Variants in ANO3 observed in about 807,000 individuals in gnomAD.
ANO3 encodes the protein anoctamin 3.
ANO3 carries 99 observed loss-of-function variants against 144.8 expected under a neutral mutation model. The ratio of observed to expected loss-of-function variants is 0.68; its 90% CI spans 0.58 to 0.81. ANO3 has a LOEUF of 0.81. ANO3 is among the 30% of genes least tolerant of loss of function. ANO3 has a pLI of 0.00. For missense variants in ANO3, 905 were observed against 1,202.2 expected (o/e 0.75, Z 3.66); for synonymous variants, 414 against 392.6 (o/e 1.05, Z -0.64).
rs61306582 is a variant in ANO3, at chr11:26,351,877, T to C, written c.46+19556T>C. Among the ~76,000 whole-genome samples the C allele has an allele frequency of 4.7e-3, 716 of 152,204 alleles. 1 individual carries two copies. Among genetic ancestry groups the C allele is most frequent in the African/African-American group, 0.016 (684 of 41,516 alleles). ...GGATCCTAGTTTGACCGCACTAATATCCCTTGATTGAAAATGCAAAGACAG... is the reference window on the plus strand; with the variant it reads ...GGATCCTAGTTTGACCGCACTAATACCCCTTGATTGAAAATGCAAAGACAG... On this transcript the variant is annotated intron_variant, in intron 1 of 26. Transcript: ENST00000256737.
chr11:26,519,540 C>T (rs2134157259), intron 6 of ANO3, among the ~76,000 whole-genome samples: 1 of 152,244 alleles, frequency 6.6e-6, no homozygotes, highest in African/African-American at 2.4e-5. Flanking sequence ...TGTCACAGTT[C>T]TGGACGCTGG....
intron 17 of ANO3, among the ~76,000 whole-genome samples, chr11:26,611,526 CAT>C (rs1271326607): frequency 3.9e-5 from 6 of 152,150 alleles, no homozygotes; most frequent in African/African-American, 1.2e-4. Flanking sequence ...TGTGGCCTAA[CAT>C]GTGATCTATC....
At chr11:26,553,514 G>A (rs752615528) in intron 13 of ANO3, among the ~76,000 whole-genome samples, 169 bp downstream of exon 13, 2 of 152,194 alleles carry the variant, frequency 1.3e-5, no homozygotes, top group African/African-American at 4.8e-5. Context: ...ATTAGAAAGC[G>A]AGTATACTTT....
chr11:26,373,571 A>G (rs1387376270), intron 1 of ANO3, among the ~76,000 whole-genome samples: 4 of 152,212 alleles, frequency 2.6e-5, no homozygotes, highest in Admixed American at 2.6e-4. Flanking sequence ...ATCAGGTAAT[A>G]ACTTAGATTC....
At chr11:26,419,963 C>T (rs770171846) in intron 1 of ANO3, among the ~76,000 whole-genome samples, 11 of 152,074 alleles carry the variant, frequency 7.2e-5, no homozygotes, top group South Asian at 4.1e-4. Context: ...TGAGGACACT[C>T]GTTGCACCTC....
rs1313631543 is a variant in ANO3, at chr11:26,612,472, CTGT to C, written c.1837-11982_1837-11980del. The stretch of plus-strand genomic sequence containing the variant: ...GGTGTTCCTAAGCCACGAATTCTGG[CTGT>C]TGTTGTTTTTTATTATTTGAATTTA... On this transcript the variant is annotated intron_variant, in intron 17 of 26. Coordinates refer to ENST00000256737, the MANE Select transcript of ANO3 (RefSeq NM_031418.4). 2.0e-5 allele frequency among the ~76,000 whole-genome samples: 3 copies of C among 149,510 alleles called. No homozygotes were observed. In the South Asian group the frequency reaches 6.4e-4, roughly 32 times the overall value.
At chr11:26,511,938 G>A (rs1166492575) in intron 5 of ANO3, among the ~76,000 whole-genome samples, 1 of 152,080 alleles carries the variant, frequency 6.6e-6, no homozygotes, top group African/African-American at 2.4e-5. Context: ...GGAAAGAATG[G>A]CTGCAGTTAA....
At chr11:26,511,100 G>A (rs1017018309) in intron 5 of ANO3, among the ~76,000 whole-genome samples, 2 of 152,146 alleles carry the variant, frequency 1.3e-5, no homozygotes, top group Non-Finnish European at 2.9e-5. Context: ...GCATGATCAG[G>A]AGGTGTATTC....
chr11:26,387,130 A>ATTTT lies in ANO3; in HGVS notation c.47-54768_47-54765dup, dbSNP rs372622053. Among the ~76,000 whole-genome samples, 474 of 128,328 alleles carry ATTTT rather than the reference A, an allele frequency of 3.7e-3. 3 individuals are homozygous for ATTTT. The highest frequency in any genetic ancestry group is 5.0e-3 in the Non-Finnish European group (303 of 60,040). The allele number at this position is 128,328 out of a possible 152,430, so 84.2% of individuals were successfully genotyped here. ...TATAGTTATTTGATGCAAATGTAGT[A>ATTTT]TTTTTTTTTTTTTTTTTTTTTTTAG... On this transcript the variant is annotated intron_variant, in intron 1 of 26. Coordinates refer to ENST00000256737, the MANE Select transcript of ANO3 (RefSeq NM_031418.4).
intron 1 of ANO3, among the ~76,000 whole-genome samples, chr11:26,205,779 G>T (rs1321612682): frequency 6.6e-6 from 1 of 152,182 alleles, no homozygotes; most frequent in East Asian, 1.9e-4. Context: ...ACTAATCCAT[G>T]CCCAAGCTTA....
At chr11:26,302,866 CAAAT>C in intron 1 of ANO3, among the ~76,000 whole-genome samples, 1 of 152,046 alleles carries the variant, frequency 6.6e-6, no homozygotes, top group East Asian at 1.9e-4. Flanking sequence ...AAGCAAAAAA[CAAAT>C]AACCCTATTA....
intron 1 of ANO3, among the ~76,000 whole-genome samples, chr11:26,282,496 T>G (rs1853702218): frequency 6.6e-6 from 1 of 152,152 alleles, no homozygotes; most frequent in Non-Finnish European, 1.5e-5. Context: ...TTTATTCCAC[T>G]TCTTCTCGGC....
At chr11:26,608,111 G>C (rs1456981101) in intron 17 of ANO3, among the ~76,000 whole-genome samples, 3 of 152,156 alleles carry the variant, frequency 2.0e-5, no homozygotes. Context: ...CCTTGGATGG[G>C]GTTTTTGTAG....
chr11:26,332,034 A>C, upstream of ANO3: 1 of 1,246,986 alleles, frequency 8.0e-7, no homozygotes, highest in Non-Finnish European at 1.1e-6. Context: ...CGCGCGGGGG[A>C]TGCGGGGTTG....
At chr11:26,247,302 G>C (rs537484421) in intron 1 of ANO3, among the ~76,000 whole-genome samples, 2 of 152,100 alleles carry the variant, frequency 1.3e-5, no homozygotes, top group African/African-American at 4.8e-5. Context: ...TTTTCCAAGC[G>C]TGACCTAGTT....
intron 1 of ANO3, among the ~76,000 whole-genome samples, chr11:26,246,799 AT>A (rs1852807700): frequency 6.6e-6 from 1 of 151,920 alleles, no homozygotes. Context: ...AGATCTGATG[AT>A]TTTATAAAAG....
Position 26,534,407 on chromosome 11 carries a change from G to T in ANO3, c.870-49G>T. ...TTAATGGAACTTGTAACTATTGCTG[G>T]ATTCTGTGTTCTGCTTTGAATATTA... On this transcript the variant is annotated intron_variant, in intron 8 of 26. Coordinates refer to ENST00000256737, the MANE Select transcript of ANO3 (RefSeq NM_031418.4). 4.1e-6 allele frequency: 5 copies of T among 1,233,728 alleles called. No homozygotes were observed. In the African/African-American group the frequency reaches 6.0e-5, roughly 15 times the overall value. The allele number at this position is 1,233,728 out of a possible 1,614,324, so 76.4% of individuals were successfully genotyped here. A position where few individuals can be genotyped will look rare whatever the true frequency, so the allele number is the denominator to read the frequency against.
Position 26,641,973 on chromosome 11 carries a change from AT to A in ANO3, c.2221del (p.Trp741GlyfsTer6). ...HDASIPQWEN[D>X]WNLQPMNLHG... ...GCTTCCATACCTCAGTGGGAAAATG[AT>A]TGGAATCTGCAGCCCATGAACCTTC... On this transcript the variant is annotated frameshift_variant, in exon 22 of 27. Coordinates refer to ENST00000256737, the MANE Select transcript of ANO3 (RefSeq NM_031418.4). LOFTEE classifies it high-confidence loss of function. 1 of 1,614,058 alleles carries A rather than the reference AT, an allele frequency of 6.2e-7. No individual in the cohort carries two copies. The highest frequency in any genetic ancestry group is 2.2e-5 in the East Asian group (1 of 44,850).
chr11:26,362,311 T>C lies in ANO3; in HGVS notation c.46+29990T>C, dbSNP rs16915542. Among the ~76,000 whole-genome samples the C allele has an allele frequency of 5.9e-3, 899 of 152,302 alleles. 8 individuals carry two copies. The highest frequency in any genetic ancestry group is 0.02 in the African/African-American group (843 of 41,558). ...GAGTTTTTGTGTATATTATCTGTAA[T>C]TCTCATAACAGTACAAGGTAGATTG... On this transcript the variant is annotated intron_variant, in intron 1 of 26. Coordinates refer to ENST00000256737, the MANE Select transcript of ANO3 (RefSeq NM_031418.4).
Sources: allele counts gnomAD v4.1 joint callset (sites outside exome capture counted in the v4.1 genomes callset), GRCh38; gene constraint gnomAD v4.1.1; transcripts MANE v1.5; gene names NCBI Gene and HGNC (gene_info 2026-07-23, HGNC 2026-07-21).